Variants in TMC1 observed in about 807,000 individuals in gnomAD.
TMC1 encodes transmembrane channel like 1, also known as transmembrane channel-like protein 1.
A neutral mutation model predicts 105.8 loss-of-function variants in TMC1; 84 were observed. That is an observed-to-expected ratio of 0.79 (90% CI 0.67 to 0.95). The LOEUF is 0.95. Among genes scored for constraint, TMC1 ranks in the 40% least tolerant of loss-of-function variants. The pLI, the probability that TMC1 is intolerant of heterozygous loss-of-function variation, is 0.00. For synonymous variants in TMC1, 315 were observed against 311.5 expected (o/e 1.01, Z -0.12); for missense variants, 817 against 914.1 (o/e 0.89, Z 1.37).
At chr9:72,641,848 C>T (rs1433073102) in intron 4 of TMC1, among the ~76,000 whole-genome samples, 2 of 125,110 alleles carry the variant, frequency 1.6e-5, no homozygotes, top group South Asian at 5.2e-4. Context: ...GAGACAGTCT[C>T]GCTCTATTGC....
At chr9:72,682,807 A>T (rs75860048) in intron 5 of TMC1, among the ~76,000 whole-genome samples, 11,672 of 152,200 alleles carry the variant, frequency 0.077, 1,085 homozygotes, top group African/African-American at 0.22. Flanking sequence ...AAATAGGTTT[A>T]ATTGGCTCAT....
intron 1 of TMC1, among the ~76,000 whole-genome samples, chr9:72,534,957 C>G (rs1197200703): frequency 6.6e-6 from 1 of 151,960 alleles, no homozygotes; most frequent in Non-Finnish European, 1.5e-5. Flanking sequence ...ATGATCACTA[C>G]TCTTACTTCA....
intron 8 of TMC1, among the ~76,000 whole-genome samples, chr9:72,715,153 T>C (rs181180244): frequency 1.9e-3 from 292 of 152,340 alleles, no homozygotes; most frequent in African/African-American, 6.7e-3. Context: ...TGGGCTTCCC[T>C]TTGTGGGTAA....
chr9:72,722,229 A>G (rs1013015667), intron 8 of TMC1, among the ~76,000 whole-genome samples: 1 of 152,198 alleles, frequency 6.6e-6, no homozygotes, highest in African/African-American at 2.4e-5. Flanking sequence ...ATTAACTGTG[A>G]GGGTGGATTA....
At chr9:72,829,010 T>G (rs1829001029) in intron 21 of TMC1, among the ~76,000 whole-genome samples, 4 of 152,222 alleles carry the variant, frequency 2.6e-5, no homozygotes, top group Non-Finnish European at 2.9e-5. Flanking sequence ...GGACCTAGTT[T>G]GCTTTGATCT....
intron 4 of TMC1, among the ~76,000 whole-genome samples, chr9:72,635,894 C>T (rs1588003054): frequency 6.6e-6 from 1 of 152,302 alleles, no homozygotes; most frequent in African/African-American, 2.4e-5. Context: ...AATTCATCAC[C>T]TAAGGATGGC....
chr9:72,755,069 A>AGG (rs368423344), intron 12 of TMC1, among the ~76,000 whole-genome samples, 185 bp downstream of exon 12: 2 of 92,804 alleles, frequency 2.2e-5, no homozygotes, highest in Admixed American at 1.0e-4. Flanking sequence ...GGAGGGAGGG[A>AGG]GGGAGAGAGA....
chr9:72,647,809 G>A (rs1825739716), intron 4 of TMC1, among the ~76,000 whole-genome samples: 1 of 141,418 alleles, frequency 7.1e-6, no homozygotes, highest in African/African-American at 2.6e-5. Context: ...GCCAAGGTTA[G>A]TGCAGCTATG....
chr9:72,816,236 C>A, intron 19 of TMC1, 26 bp downstream of exon 19: 1 of 1,608,224 alleles, frequency 6.2e-7, no homozygotes, highest in South Asian at 1.1e-5. Context: ...GACAGCTTAT[C>A]ACTTACAGAA....
chr9:72,793,603 G>A (rs1241242225), intron 17 of TMC1, among the ~76,000 whole-genome samples: 1 of 152,180 alleles, frequency 6.6e-6, no homozygotes, highest in Non-Finnish European at 1.5e-5. Context: ...CTACAGGTGC[G>A]TTTGGGCCAG....
chr9:72,828,630 C>T (rs1828996017), intron 21 of TMC1, among the ~76,000 whole-genome samples: 1 of 152,216 alleles, frequency 6.6e-6, no homozygotes, highest in Non-Finnish European at 1.5e-5. Flanking sequence ...ATTTAATTCC[C>T]ATAACAGCTT....
chr9:72,772,592 T>G, intron 13 of TMC1, 37 bp downstream of exon 13: 1 of 1,613,068 alleles, frequency 6.2e-7, no homozygotes, highest in Non-Finnish European at 8.5e-7. Context: ...CAAATAATGA[T>G]TTCTGGAATC....
At chr9:72,728,288 A>G (rs914147170) in intron 8 of TMC1, among the ~76,000 whole-genome samples, 1 of 152,082 alleles carries the variant, frequency 6.6e-6, no homozygotes, top group Non-Finnish European at 1.5e-5. Context: ...TATATGGGGG[A>G]ACTAATGGAA....
At chr9:72,652,194 A>G (rs909519835) in intron 5 of TMC1, among the ~76,000 whole-genome samples, 1 of 152,152 alleles carries the variant, frequency 6.6e-6, no homozygotes, top group Non-Finnish European at 1.5e-5. Flanking sequence ...CTTGTTGGCC[A>G]TTTGTATATC....
At chr9:72,632,608 C>T (rs1180194733) in intron 4 of TMC1, among the ~76,000 whole-genome samples, 1 of 152,010 alleles carries the variant, frequency 6.6e-6, no homozygotes, top group African/African-American at 2.4e-5. Flanking sequence ...AAAGATAAAA[C>T]AAACAGAGCA....
chr9:72,720,078 CATA>C (rs1294267860), intron 8 of TMC1, among the ~76,000 whole-genome samples: 2 of 152,180 alleles, frequency 1.3e-5, no homozygotes, highest in Non-Finnish European at 2.9e-5. Flanking sequence ...TGGTACCTAG[CATA>C]ATAATTTTCT....
chr9:72,704,225 C>A (rs566885056), intron 8 of TMC1, among the ~76,000 whole-genome samples: 1 of 151,502 alleles, frequency 6.6e-6, no homozygotes, highest in South Asian at 2.1e-4. Flanking sequence ...GTCTGTGAAA[C>A]CCAAGATACT....
At chr9:72,827,235 C>T (rs1182506876) in intron 21 of TMC1, among the ~76,000 whole-genome samples, 1 of 152,120 alleles carries the variant, frequency 6.6e-6, no homozygotes, top group African/African-American at 2.4e-5. Flanking sequence ...GATTTGTTCC[C>T]AAGTAACCAC....
intron 1 of TMC1, among the ~76,000 whole-genome samples, chr9:72,528,968 A>G (rs1823451551): frequency 6.6e-6 from 1 of 151,590 alleles, no homozygotes; most frequent in Non-Finnish European, 1.5e-5. Flanking sequence ...TTTTTTTTGT[A>G]TATTTCCTAA....
Sources: gnomAD v4.1 joint callset for allele counts (sites outside exome capture counted in the v4.1 genomes callset) on GRCh38, gnomAD v4.1.1 for gene constraint, MANE v1.5 for transcripts, NCBI Gene and HGNC (gene_info 2026-07-23, HGNC 2026-07-21) for gene names.